IFT140: variants seen among roughly 807,000 people sequenced by gnomAD.
IFT140 encodes intraflagellar transport 140.
Under a neutral mutation model 164.6 loss-of-function variants are expected in IFT140, and 133 were observed. That is an observed-to-expected ratio of 0.81 (90% confidence interval 0.70 to 0.93). The LOEUF (loss-of-function observed/expected upper bound fraction) is 0.93, where lower values mean the gene tolerates loss of function less well. IFT140 is among the 40% of genes least tolerant of loss of function. The probability of loss-of-function intolerance (pLI) is 0.00; values close to 1 mark genes in which losing one functional copy is unlikely to be tolerated. For synonymous variants in IFT140, 860 were observed against 817.3 expected (o/e 1.05, Z -0.89); for missense variants, 2,045 against 1,972.3 (o/e 1.04, Z -0.70).
intron 30 of IFT140, among the ~76,000 whole-genome samples, chr16:1,516,112 T>C (rs904042015): frequency 4.4e-5 from 5 of 113,264 alleles, no homozygotes; most frequent in African/African-American, 1.3e-4. Context: ...CACTCCAGCC[T>C]GGGCTACAAA....
intron 4 of IFT140, 69 bp from the exon 5 acceptor site, chr16:1,592,657 CCTGG>C: frequency 6.5e-7 from 1 of 1,529,544 alleles, no homozygotes; most frequent in Middle Eastern, 1.8e-4. Context: ...GGACAGGTGT[CCTGG>C]CAGAGCGACT....
At chr16:1,534,531 C>T (rs1435309638) in intron 19 of IFT140, 1 of 1,605,612 alleles carries the variant, frequency 6.2e-7, no homozygotes, top group Non-Finnish European at 8.5e-7. Flanking sequence ...AGCCGGCTTC[C>T]AGGAGTCCCG....
At chr16:1,513,891 T>G (rs1449767995) in intron 30 of IFT140, among the ~76,000 whole-genome samples, 1 of 142,012 alleles carries the variant, frequency 7.0e-6, no homozygotes, top group Non-Finnish European at 1.5e-5. Flanking sequence ...GCCAAGATGG[T>G]CTCCATCTCC....
intron 19 of IFT140, among the ~76,000 whole-genome samples, chr16:1,549,177 C>G (rs2032430754): frequency 6.6e-6 from 1 of 152,268 alleles, no homozygotes; most frequent in Non-Finnish European, 1.5e-5. Flanking sequence ...CTTCCAAACC[C>G]CTCTCTACCC....
At chr16:1,549,593 G>A (rs964837118) in intron 19 of IFT140, among the ~76,000 whole-genome samples, 15 of 152,224 alleles carry the variant, frequency 9.9e-5, no homozygotes, top group Admixed American at 6.5e-5. Flanking sequence ...CACCACGCCC[G>A]GCTAATTTTT....
At chr16:1,554,691 G>A (rs1355033106) in intron 19 of IFT140, 10 of 1,534,428 alleles carry the variant, frequency 6.5e-6, no homozygotes, top group Admixed American at 3.8e-5. Flanking sequence ...GATAAAGCAG[G>A]CTGGAACCTG....
chr16:1,589,677 C>T lies in IFT140; in HGVS notation c.738G>A (p.Val246=). ...ACAGCCGGAGGTTCTCTGTGACCAC[C>T]ACCAGTGCCTCCCTCTTCTCCATGT... is the stretch of plus-strand genomic sequence containing the variant. ...LFYMEKREAL[V]VVTENLRLSL... is the part of the protein sequence containing the mutation. The change falls in exon 7 of 31, where the codon GTG becomes GTA. Residue 246 remains valine, a synonymous_variant. Coordinates refer to ENST00000426508, the MANE Select transcript of IFT140 (RefSeq NM_014714.4). 3 of 1,614,138 alleles carry T rather than the reference C, an allele frequency of 1.9e-6. No homozygotes were observed. Among genetic ancestry groups the T allele is most frequent in the South Asian group, 1.1e-5 (1 of 91,082 alleles).
chr16:1,534,496 A>AG, intron 19 of IFT140: 1 of 1,609,502 alleles, frequency 6.2e-7, no homozygotes, highest in Non-Finnish European at 8.5e-7. Context: ...CATGACTGTG[A>AG]GGCGCTGGGC....
chr16:1,517,379 A>G (rs1486225609), intron 30 of IFT140, among the ~76,000 whole-genome samples: 1 of 152,112 alleles, frequency 6.6e-6, no homozygotes, highest in Non-Finnish European at 1.5e-5. Flanking sequence ...TACAATAATA[A>G]GAAAACCCAA....
At chr16:1,569,587 C>G (rs2033916085) in intron 14 of IFT140, among the ~76,000 whole-genome samples, 1 of 146,930 alleles carries the variant, frequency 6.8e-6, no homozygotes, top group Non-Finnish European at 1.5e-5. Context: ...CCTTCCTTTT[C>G]TCTCTCCCTC....
At position 1,580,814 on chromosome 16, in the gene IFT140, T is replaced by C. The variant is rs537123341; in HGVS notation, c.1469A>G (p.His490Arg). ...FLCETPVLAM[H>R]EENVYTVESN... ...CTCCACCGTGTAAACGTTTTCTTCA[T>C]GCATTGCTAACACAGGCGTCTCACA... The change falls in exon 13 of 31, where the codon CAT becomes CGT. Residue 490 changes from histidine (H) to arginine (R), a missense_variant. Coordinates refer to ENST00000426508, the MANE Select transcript of IFT140 (RefSeq NM_014714.4). 2.5e-6 allele frequency: 4 copies of C among 1,613,964 alleles called. No homozygotes were observed. In the Admixed American group the frequency reaches 5.0e-5, roughly 20 times the overall value.
At position 1,524,841 on chromosome 16, in the gene IFT140, C is replaced by T. The variant is rs778921745; in HGVS notation, c.2940G>A (p.Leu980=). The T allele has an allele frequency of 1.9e-5, 31 of 1,612,986 alleles. No individual in the cohort carries two copies. The highest frequency in any genetic ancestry group is 1.6e-4 in the Middle Eastern group (1 of 6,084). Residue 980 remains leucine (L), a synonymous_variant, in exon 23 of 31, where the codon CTG becomes CTA. Coordinates refer to ENST00000426508, the MANE Select transcript of IFT140 (RefSeq NM_014714.4). ...EMDAALHYYE[L]ARDHFSLVRI... is the part of the protein sequence containing the mutation. ...GGACCAGGGAGAAGTGGTCCCGGGC[C>T]AGCTCGTAGTAGTGCAGCGCGGCGT...
At chr16:1,590,361 G>T (rs1037848322) in intron 6 of IFT140, among the ~76,000 whole-genome samples, 2 of 152,206 alleles carry the variant, frequency 1.3e-5, no homozygotes, top group African/African-American at 4.8e-5. Context: ...TGACCCTGCA[G>T]ATCTGGCAGC....
intron 19 of IFT140, among the ~76,000 whole-genome samples, chr16:1,544,142 C>T (rs1293948018): frequency 2.7e-5 from 4 of 149,798 alleles, no homozygotes; most frequent in South Asian, 2.1e-4. Flanking sequence ...CTCAGCCTCC[C>T]GTGTAGGTGG....
chr16:1,541,850 T>C, intron 19 of IFT140: 4 of 1,476,580 alleles, frequency 2.7e-6, no homozygotes, highest in Non-Finnish European at 3.6e-6. Context: ...ACCACGAAAG[T>C]GGCGTGACGG....
At position 1,586,122 on chromosome 16, in the gene IFT140, G is replaced by A. The variant is rs757107689; in HGVS notation, c.1155+8C>T. 4 of 1,611,364 alleles carry A rather than the reference G, an allele frequency of 2.5e-6. No individual in the cohort carries two copies. In the African/African-American group the frequency reaches 4.0e-5, roughly 16 times the overall value. ...AATGAGTGCACCGAACACCCTTGGAGGCTGTACCTGGATTTGCGTGATGTT... is the reference window on the plus strand; with the variant it reads ...AATGAGTGCACCGAACACCCTTGGAAGCTGTACCTGGATTTGCGTGATGTT... On this transcript the variant is annotated splice_region_variant and intron_variant, in intron 10 of 30. Coordinates refer to ENST00000426508, the MANE Select transcript of IFT140 (RefSeq NM_014714.4).
chr16:1,557,987 C>T lies in IFT140; in HGVS notation c.2347G>A (p.Val783Ile), dbSNP rs755729792. The change falls in exon 19 of 31, where the codon GTC becomes ATC. Residue 783 changes from valine (V) to isoleucine (I), a missense_variant. Val to Ile is a conservative substitution (Grantham distance 29). Transcript: ENST00000426508. ...GCTTCGTCCATGTCTCCTATGGTGA[C>T]AAAGAAGCTGAAGTGGAGCATGGCG... is the stretch of plus-strand genomic sequence containing the variant. ...RDAMLHFSFF[V>I]TIGDMDEAFK... 6.2e-7 allele frequency: 1 copy of T among 1,613,930 alleles called. No individual in the cohort carries two copies. The highest frequency in any genetic ancestry group is 8.5e-7 in the Non-Finnish European group (1 of 1,180,034).
In IFT140 at chr16:1,524,636, C is replaced by G; in HGVS notation, c.3057G>C (p.Gln1019His). The part of the protein sequence containing the change: ...NLAASYHLAR[Q>H]YESQEEVGQA... ...GCCCGACCTCCTCCTGGCTCTCGTA[C>G]TGGCGGGCGAGGTGGTAGGAGGCCG... The change falls in exon 24 of 31, where the codon CAG becomes CAC. Residue 1019 changes from glutamine (Q) to histidine (H), a missense_variant. Gln to His is a conservative substitution (Grantham distance 24). Transcript: ENST00000426508. 14 of 1,597,342 alleles carry G rather than the reference C, an allele frequency of 8.8e-6. No individual in the cohort carries two copies. Among genetic ancestry groups the G allele is most frequent in the Non-Finnish European group, 1.2e-5 (14 of 1,169,210 alleles).
intron 2 of IFT140, among the ~76,000 whole-genome samples, chr16:1,608,438 G>A (rs985020069): frequency 1.3e-5 from 2 of 151,866 alleles, no homozygotes; most frequent in African/African-American, 4.8e-5. Flanking sequence ...AGACCAGCCT[G>A]GGCAAAATGG....
Sources: gnomAD v4.1 joint callset for allele counts (sites outside exome capture counted in the v4.1 genomes callset) on GRCh38, gnomAD v4.1.1 for gene constraint, MANE v1.5 for transcripts, NCBI Gene and HGNC (gene_info 2026-07-23, HGNC 2026-07-21) for gene names.